PRRG1: variants seen among roughly 807,000 people sequenced by gnomAD.
PRRG1 encodes the protein transmembrane gamma-carboxyglutamic acid protein 1.
In PRRG1, 5 loss-of-function variants were observed where a neutral mutation model predicts 11.8. That is an observed-to-expected ratio of 0.42 (90% CI 0.22 to 0.89). PRRG1 has a LOEUF of 0.89. Among genes scored for constraint, PRRG1 ranks in the 40% least tolerant of loss-of-function variants. The pLI is 0.28. For missense variants in PRRG1, 155 were observed against 166.1 expected (o/e 0.93, Z 0.37); for synonymous variants, 66 against 60.4 (o/e 1.09, Z -0.43).
At chrX:37,430,192 G>A (rs1932812828) in intron 3 of PRRG1, among the ~76,000 whole-genome samples, 1 of 111,386 alleles carries the variant, frequency 9.0e-6, no homozygotes. Context: ...TGAGATCTGG[G>A]AACTAGAATA....
At chrX:37,368,720 A>T in intron 1 of PRRG1, among the ~76,000 whole-genome samples, 1 of 110,582 alleles carries the variant, frequency 9.0e-6, no homozygotes, top group East Asian at 2.8e-4. Context: ...TATTTTCTAC[A>T]TGCCTCTTCT....
chrX:37,372,756 T>C (rs1277273661), intron 1 of PRRG1, among the ~76,000 whole-genome samples: 1 of 113,195 alleles, frequency 8.8e-6, no homozygotes, highest in Admixed American at 9.3e-5. Flanking sequence ...CTCTTCATTC[T>C]GTTTATTGTT....
chrX:37,393,284 A>G (rs999716055), intron 1 of PRRG1, among the ~76,000 whole-genome samples: 5 of 107,617 alleles, frequency 4.6e-5, no homozygotes, highest in African/African-American at 1.7e-4. Context: ...TGTATTTTAT[A>G]TAATTATGTT....
intron 1 of PRRG1, among the ~76,000 whole-genome samples, chrX:37,399,337 A>C (rs1481794783): frequency 1.5e-3 from 160 of 110,121 alleles, no homozygotes; most frequent in African/African-American, 5.0e-3. Flanking sequence ...CAACATTCTT[A>C]AAGAAAAGAA....
chrX:37,355,546 G>A (rs782150539), intron 1 of PRRG1, among the ~76,000 whole-genome samples: 19 of 111,967 alleles, frequency 1.7e-4, no homozygotes, highest in South Asian at 3.8e-4. Flanking sequence ...GTCAAGGAGC[G>A]ATTGAATGTG....
intron 1 of PRRG1, among the ~76,000 whole-genome samples, chrX:37,379,247 C>T (rs782674360): frequency 9.3e-6 from 1 of 107,772 alleles, no homozygotes; most frequent in African/African-American, 3.4e-5. Context: ...GCTTTTATAG[C>T]GTCTGTGATG....
chrX:37,404,212 A>G (rs1373942443), intron 1 of PRRG1, among the ~76,000 whole-genome samples: 3 of 112,120 alleles, frequency 2.7e-5, no homozygotes, highest in Non-Finnish European at 5.6e-5. Flanking sequence ...TCCCTGGTCA[A>G]GCCACTCTCA....
intron 1 of PRRG1, among the ~76,000 whole-genome samples, chrX:37,401,458 T>A (rs1363368309): frequency 9.0e-6 from 1 of 111,189 alleles, no homozygotes; most frequent in Admixed American, 9.6e-5. Context: ...AAACTCTCAA[T>A]AAGTTAGGTA....
At position 37,385,967 on chromosome X, in the gene PRRG1, G is replaced by A. The variant is rs1278611598; in HGVS notation, c.-41-20242G>A. On this transcript the variant is annotated intron_variant, in intron 1 of 3. Coordinates refer to ENST00000378628, the MANE Select transcript of PRRG1 (RefSeq NM_001142395.2). ...GTAGAGATGGGGTTTTGCTATGTTCGCCAAGCTTATCTTAAACTCCTGACC... is the reference window on the plus strand; with the variant it reads ...GTAGAGATGGGGTTTTGCTATGTTCACCAAGCTTATCTTAAACTCCTGACC... Among the ~76,000 whole-genome samples the A allele has an allele frequency of 3.6e-5, 4 of 110,016 alleles. No individual in the cohort carries two copies. The South Asian group carries it at 1.2e-3, about 33-fold the overall frequency.
intron 3 of PRRG1, among the ~76,000 whole-genome samples, chrX:37,439,143 C>G (rs1231552968): frequency 8.9e-6 from 1 of 112,044 alleles, no homozygotes; most frequent in Non-Finnish European, 1.9e-5. Context: ...GGAAATCTGT[C>G]TCCTAGTGAA....
At chrX:37,363,516 A>C (rs1270890026) in intron 1 of PRRG1, among the ~76,000 whole-genome samples, 1 of 112,110 alleles carries the variant, frequency 8.9e-6, no homozygotes, top group African/African-American at 3.2e-5. Flanking sequence ...TGGTGCTAAA[A>C]AATATTTGTT....
At chrX:37,397,416 G>C (rs782328822) in intron 1 of PRRG1, among the ~76,000 whole-genome samples, 1 of 112,080 alleles carries the variant, frequency 8.9e-6, no homozygotes, top group Non-Finnish European at 1.9e-5. Flanking sequence ...CCTAAGTCTG[G>C]TTTGTGTAGG....
At chrX:37,405,546 G>GT (rs202070745) in intron 1 of PRRG1, among the ~76,000 whole-genome samples, 68 of 103,026 alleles carry the variant, frequency 6.6e-4, no homozygotes, top group East Asian at 1.2e-3. Context: ...ATGTATGAGT[G>GT]TTTTTTTTTT....
At chrX:37,370,446 T>C (rs1326310199) in intron 1 of PRRG1, among the ~76,000 whole-genome samples, 7 of 111,465 alleles carry the variant, frequency 6.3e-5, no homozygotes, top group African/African-American at 2.3e-4. Flanking sequence ...GGCTGCTCAC[T>C]CCATGGAGCC....
intron 3 of PRRG1, among the ~76,000 whole-genome samples, chrX:37,430,893 A>G (rs565700434): frequency 6.2e-5 from 7 of 112,031 alleles, no homozygotes; most frequent in African/African-American, 2.3e-4. Flanking sequence ...ACCCTTTAAT[A>G]GTCACACCTA....
At chrX:37,406,393 C>A in intron 2 of PRRG1, 134 bp downstream of exon 2, 1 of 642,982 alleles carries the variant, frequency 1.6e-6, no homozygotes, top group Non-Finnish European at 2.4e-6. Context: ...AAGTTTTTGT[C>A]TGAAGCAGGG....
At chrX:37,404,890 A>G (rs1932139099) in intron 1 of PRRG1, among the ~76,000 whole-genome samples, 1 of 111,900 alleles carries the variant, frequency 8.9e-6, no homozygotes, top group African/African-American at 3.2e-5. Context: ...ATAGAATTTC[A>G]GAGCTGCAAG....
chrX:37,358,733 TA>T (rs1162255978), intron 1 of PRRG1, among the ~76,000 whole-genome samples: 77 of 108,555 alleles, frequency 7.1e-4, no homozygotes, highest in African/African-American at 1.6e-3. Flanking sequence ...AGTTGTTTTT[TA>T]AAAAAAAAAA....
At chrX:37,353,234 G>A (rs1930128604) in intron 1 of PRRG1, among the ~76,000 whole-genome samples, 1 of 111,206 alleles carries the variant, frequency 9.0e-6, no homozygotes, top group Non-Finnish European at 1.9e-5. Context: ...TTGTGTCTTA[G>A]TTTTTAATAA....
Sources: gnomAD v4.1 joint callset for allele counts (sites outside exome capture counted in the v4.1 genomes callset) on GRCh38, gnomAD v4.1.1 for gene constraint, MANE v1.5 for transcripts, NCBI Gene and HGNC (gene_info 2026-07-23, HGNC 2026-07-21) for gene names.